The following ACOXL variants were observed in gnomAD, a reference collection of about 807,000 sequenced individuals.
ACOXL encodes acyl-CoA oxidase like, also known as acyl-coenzyme A oxidase-like protein.
ACOXL carries 70 observed loss-of-function variants against 71.9 expected under a neutral mutation model. The observed-to-expected ratio is 0.97, with a 90% CI of 0.80 to 1.19. The LOEUF (loss-of-function observed/expected upper bound fraction) is 1.19, where lower values mean the gene tolerates loss of function less well. ACOXL is among the 50% of genes most tolerant of loss of function. The pLI, the probability that ACOXL is intolerant of heterozygous loss-of-function variation, is 0.00. For missense variants in ACOXL, 703 were observed against 736.3 expected (o/e 0.95, Z 0.52); for synonymous variants, 253 against 281.6 (o/e 0.90, Z 1.02).
At chr2:111,004,315 C>T (rs911829383) in intron 14 of ACOXL, among the ~76,000 whole-genome samples, 1 of 152,084 alleles carries the variant, frequency 6.6e-6, no homozygotes, top group Admixed American at 6.6e-5. Flanking sequence ...GATGCTTGGC[C>T]AAACCCTTCT....
chr2:110,863,601 C>T (rs889191914), intron 10 of ACOXL, among the ~76,000 whole-genome samples: 2 of 152,130 alleles, frequency 1.3e-5, no homozygotes, highest in African/African-American at 4.8e-5. Flanking sequence ...GCACCCCCCC[C>T]AACTGGTTGG....
At chr2:110,816,155 G>A (rs2105462788) in intron 9 of ACOXL, among the ~76,000 whole-genome samples, 1 of 152,062 alleles carries the variant, frequency 6.6e-6, no homozygotes, top group South Asian at 2.1e-4. Context: ...ATGTATAAAT[G>A]GATGCATGGA....
At chr2:111,046,398 GT>G (rs1282067733) in intron 15 of ACOXL, among the ~76,000 whole-genome samples, 3 of 152,150 alleles carry the variant, frequency 2.0e-5, no homozygotes, top group African/African-American at 4.8e-5. Flanking sequence ...TGGTATATTA[GT>G]TCTTTCTCAT....
At chr2:110,813,010 G>A (rs952267008) in intron 9 of ACOXL, among the ~76,000 whole-genome samples, 10 of 152,204 alleles carry the variant, frequency 6.6e-5, no homozygotes, top group Non-Finnish European at 5.9e-5. Flanking sequence ...TCAGAGTCCA[G>A]TACATGTCCT....
At chr2:110,818,449 G>A (rs796295705) in intron 9 of ACOXL, among the ~76,000 whole-genome samples, 1 of 144,954 alleles carries the variant, frequency 6.9e-6, no homozygotes, top group East Asian at 2.0e-4. Flanking sequence ...GTGTGTGTGT[G>A]TGTATATATA....
chr2:110,773,553 T>TC (rs913166542), intron 2 of ACOXL, among the ~76,000 whole-genome samples: 8 of 152,042 alleles, frequency 5.3e-5, no homozygotes, highest in African/African-American at 1.9e-4. Context: ...ACCGCTGTAC[T>TC]CCCCCACCCA....
chr2:110,963,795 C>T, intron 12 of ACOXL: 1 of 1,560,556 alleles, frequency 6.4e-7, no homozygotes, highest in Non-Finnish European at 8.7e-7. Context: ...TATCTGATTG[C>T]CTTCTTTAAT....
chr2:110,745,803 G>A (rs1344242886), intron 1 of ACOXL, among the ~76,000 whole-genome samples: 1 of 152,216 alleles, frequency 6.6e-6, no homozygotes, highest in East Asian at 1.9e-4. Context: ...GAAAGTGGCT[G>A]CAATTCTGAG....
At chr2:111,091,990 T>A (rs1351106891) in intron 16 of ACOXL, among the ~76,000 whole-genome samples, 1 of 152,200 alleles carries the variant, frequency 6.6e-6, no homozygotes, top group Non-Finnish European at 1.5e-5. Context: ...TCTATTTGAC[T>A]CAGAATAAGA....
At chr2:110,910,726 A>C (rs893989667) in intron 11 of ACOXL, among the ~76,000 whole-genome samples, 1 of 152,190 alleles carries the variant, frequency 6.6e-6, no homozygotes, top group Non-Finnish European at 1.5e-5. Context: ...TTTCATGTGC[A>C]CATTGGCCAT....
intron 14 of ACOXL, among the ~76,000 whole-genome samples, chr2:111,030,171 A>G (rs1363453134): frequency 6.6e-6 from 1 of 152,164 alleles, no homozygotes; most frequent in Non-Finnish European, 1.5e-5. Flanking sequence ...AGGTTAAACC[A>G]TATTAACTGG....
At chr2:110,994,933 T>C (rs1292915444) in intron 13 of ACOXL, among the ~76,000 whole-genome samples, 1 of 152,190 alleles carries the variant, frequency 6.6e-6, no homozygotes, top group Non-Finnish European at 1.5e-5. Flanking sequence ...CAAATCTTGC[T>C]AAGCCTCAGT....
intron 9 of ACOXL, among the ~76,000 whole-genome samples, chr2:110,837,772 A>G (rs1371811960): frequency 6.6e-6 from 1 of 152,178 alleles, no homozygotes; most frequent in Non-Finnish European, 1.5e-5. Flanking sequence ...TAATTTTGAT[A>G]CTAACAAATT....
At chr2:110,741,565 G>A (rs960253061) in intron 1 of ACOXL, among the ~76,000 whole-genome samples, 2 of 152,156 alleles carry the variant, frequency 1.3e-5, no homozygotes, top group African/African-American at 4.8e-5. Flanking sequence ...GTTTGTGTGT[G>A]TATAAAACAG....
At chr2:110,888,063 C>T (rs188388790) in intron 10 of ACOXL, 2 of 152,322 alleles carry the variant, frequency 1.3e-5, no homozygotes. Context: ...AATGATTAGT[C>T]TCCATTTGTT....
At chr2:110,999,659 C>G (rs1172957954) in intron 14 of ACOXL, among the ~76,000 whole-genome samples, 1 of 152,192 alleles carries the variant, frequency 6.6e-6, no homozygotes, top group East Asian at 1.9e-4. Context: ...TGACTTCCAT[C>G]TTGGTCACTC....
intron 12 of ACOXL, among the ~76,000 whole-genome samples, chr2:110,974,770 C>T (rs553253066): frequency 2.1e-4 from 32 of 152,226 alleles, no homozygotes; most frequent in Middle Eastern, 3.4e-3. Flanking sequence ...TGCCTGCTGA[C>T]GGGAAGCCTG....
intron 9 of ACOXL, among the ~76,000 whole-genome samples, chr2:110,827,453 G>A (rs1175777049): frequency 2.0e-5 from 3 of 152,320 alleles, no homozygotes; most frequent in Admixed American, 6.5e-5. Flanking sequence ...GATGTGGTGC[G>A]CTGGGTAGCA....
chr2:110,859,641 C>T (rs1355000568), intron 10 of ACOXL, among the ~76,000 whole-genome samples: 2 of 152,148 alleles, frequency 1.3e-5, no homozygotes, highest in African/African-American at 4.8e-5. Context: ...TGGTGAAACC[C>T]GATTCCATTT....
Sources: gnomAD v4.1 joint callset for allele counts (sites outside exome capture counted in the v4.1 genomes callset) on GRCh38, gnomAD v4.1.1 for gene constraint, MANE v1.5 for transcripts, NCBI Gene and HGNC (gene_info 2026-07-23, HGNC 2026-07-21) for gene names.